The following BTBD9 variants were observed in gnomAD, a reference collection of about 807,000 sequenced individuals.
The protein encoded by BTBD9 is BTB domain containing 9, also known as BTB/POZ domain-containing protein 9.
BTBD9 carries 49 observed loss-of-function variants against 64.3 expected under a neutral mutation model. That is an observed-to-expected ratio of 0.76 (90% CI 0.61 to 0.97). The LOEUF (loss-of-function observed/expected upper bound fraction) is 0.97. Ranked by LOEUF, BTBD9 falls within the 50% of genes least tolerant of loss-of-function variation. BTBD9 has a pLI of 0.00. For missense variants in BTBD9, 598 were observed against 762.1 expected (o/e 0.78, Z 2.53); for synonymous variants, 260 against 274.7 (o/e 0.95, Z 0.53).
At chr6:38,250,990 G>A (rs1264456984) in intron 9 of BTBD9, among the ~76,000 whole-genome samples, 1 of 151,480 alleles carries the variant, frequency 6.6e-6, no homozygotes, top group Non-Finnish European at 1.5e-5. Flanking sequence ...GCTGAGGCAG[G>A]AGAATCACTT....
At chr6:38,399,847 G>A (rs1479261382) in intron 6 of BTBD9, among the ~76,000 whole-genome samples, 2 of 151,986 alleles carry the variant, frequency 1.3e-5, no homozygotes, top group Non-Finnish European at 2.9e-5. Flanking sequence ...CGCCTCCCGG[G>A]TTCAAGCGAT....
intron 7 of BTBD9, among the ~76,000 whole-genome samples, chr6:38,339,256 G>T (rs993469059): frequency 6.6e-6 from 1 of 152,140 alleles, no homozygotes; most frequent in Non-Finnish European, 1.5e-5. Flanking sequence ...TTAAATAAAC[G>T]ATGGTATATC....
rs539092551 is a variant in BTBD9 at position 38,531,901 on chromosome 6, C to T, written c.1154+45699G>A. On this transcript the variant is annotated intron_variant, in intron 6 of 10. Transcript: ENST00000481247. The stretch of plus-strand genomic sequence containing the variant: ...CAAGATGGCTGAATAAAAGGCTCCA[C>T]TGATTACCCCCACTCCTGCTCCCAC... Among the ~76,000 whole-genome samples the T allele has an allele frequency of 1.3e-3, 203 of 152,310 alleles. 2 individuals are homozygous for T. Among genetic ancestry groups the T allele is most frequent in the Admixed American group, 3.8e-3 (58 of 15,298 alleles).
chr6:38,457,657 G>A (rs1319485463), intron 6 of BTBD9, among the ~76,000 whole-genome samples: 1 of 152,064 alleles, frequency 6.6e-6, no homozygotes, highest in Non-Finnish European at 1.5e-5. Flanking sequence ...GAGATTTTAA[G>A]ACAATGGCTA....
In BTBD9 at chr6:38,346,828, A is replaced by G. The variant is rs560193197; in HGVS notation, c.1155-1735T>C. Among the ~76,000 whole-genome samples the G allele has an allele frequency of 1.4e-3, 209 of 152,294 alleles. 2 individuals are homozygous for G. The highest frequency in any genetic ancestry group is 3.9e-3 in the African/African-American group (163 of 41,558). ...CCAGCATAGCATTTTTCAACTACATATGGCTGTGTCAGCCTGAGTGCTGCT... is the reference window on the plus strand; with the variant it reads ...CCAGCATAGCATTTTTCAACTACATGTGGCTGTGTCAGCCTGAGTGCTGCT... On this transcript the variant is annotated intron_variant, in intron 6 of 10. Transcript: ENST00000481247.
intron 8 of BTBD9, among the ~76,000 whole-genome samples, chr6:38,266,820 G>C (rs1765023297): frequency 6.6e-6 from 1 of 152,186 alleles, no homozygotes; most frequent in South Asian, 2.1e-4. Flanking sequence ...TAAGCAAAAT[G>C]TTGGCATCAA....
rs770189032 is a variant in BTBD9 at position 38,310,192 on chromosome 6, T to A, written c.1265-21731A>T. On this transcript the variant is annotated intron_variant, in intron 7 of 10. Coordinates refer to ENST00000481247, the MANE Select transcript of BTBD9 (RefSeq NM_001099272.2). ...TACTGCATTCAGTATTGAGACTCCTTAATCAAACCACAAAGGGTGCCTGAG... is the reference window on the plus strand; with the variant it reads ...TACTGCATTCAGTATTGAGACTCCTAAATCAAACCACAAAGGGTGCCTGAG... 2.6e-5 allele frequency among the ~76,000 whole-genome samples: 4 copies of A among 152,164 alleles called. No individual in the cohort carries two copies. In the East Asian group the frequency reaches 7.7e-4, roughly 29 times the overall value.
chr6:38,206,093 T>C (rs1013512198), intron 9 of BTBD9, among the ~76,000 whole-genome samples: 4 of 151,868 alleles, frequency 2.6e-5, no homozygotes, highest in Non-Finnish European at 4.4e-5. Flanking sequence ...GAGAAACTAA[T>C]TGACCAGATG....
chr6:38,455,119 C>CATTTTAAGTGT (rs1340851480), intron 6 of BTBD9, among the ~76,000 whole-genome samples: 1 of 152,080 alleles, frequency 6.6e-6, no homozygotes, highest in Non-Finnish European at 1.5e-5. Context: ...TTTTTGCTTT[C>CATTTTAAGTGT]ATTTTAAGTG....
At chr6:38,480,603 G>C (rs185713980) in intron 6 of BTBD9, among the ~76,000 whole-genome samples, 1 of 152,100 alleles carries the variant, frequency 6.6e-6, no homozygotes, top group Non-Finnish European at 1.5e-5. Context: ...TAGTATATAA[G>C]TAAAAAGCTC....
At chr6:38,571,802 T>C (rs1013280972) in intron 6 of BTBD9, 1 of 151,996 alleles carries the variant, frequency 6.6e-6, no homozygotes, top group Non-Finnish European at 1.5e-5. Context: ...CTACTAAAAA[T>C]AGAAAAAACT....
intron 6 of BTBD9, among the ~76,000 whole-genome samples, chr6:38,400,190 T>C (rs1338558342): frequency 3.3e-5 from 5 of 152,146 alleles, no homozygotes; most frequent in Non-Finnish European, 5.9e-5. Context: ...ACCTGTCCCA[T>C]CAGCTATTTC....
chr6:38,525,662 G>C (rs1269996983), intron 6 of BTBD9, among the ~76,000 whole-genome samples: 1 of 152,184 alleles, frequency 6.6e-6, no homozygotes, highest in Non-Finnish European at 1.5e-5. Flanking sequence ...ATGGAGATGA[G>C]GAACTTACTG....
chr6:38,324,692 C>A (rs1289069446), intron 7 of BTBD9, among the ~76,000 whole-genome samples: 1 of 152,172 alleles, frequency 6.6e-6, no homozygotes, highest in East Asian at 1.9e-4. Context: ...GAAAAGGGCT[C>A]TTTTGTACTC....
intron 3 of BTBD9, among the ~76,000 whole-genome samples, chr6:38,593,755 C>G (rs930130665): frequency 3.7e-4 from 56 of 152,152 alleles, no homozygotes; most frequent in Admixed American, 2.7e-3. Flanking sequence ...ACCTGAAGAA[C>G]CTTAAAAGAA....
chr6:38,283,319 C>T (rs1226763888), intron 8 of BTBD9, among the ~76,000 whole-genome samples: 1 of 152,206 alleles, frequency 6.6e-6, no homozygotes, highest in African/African-American at 2.4e-5. Context: ...GCAATTATGT[C>T]CTTCACTTAG....
At chr6:38,283,386 A>G (rs1390650148) in intron 8 of BTBD9, among the ~76,000 whole-genome samples, 4 of 152,176 alleles carry the variant, frequency 2.6e-5, no homozygotes, top group Non-Finnish European at 5.9e-5. Flanking sequence ...AGGGGCTCAC[A>G]CCTGTAATCC....
At chr6:38,334,947 C>G (rs140862226) in intron 7 of BTBD9, among the ~76,000 whole-genome samples, 1,944 of 152,194 alleles carry the variant, frequency 0.013, 19 homozygotes, top group Middle Eastern at 0.027. Flanking sequence ...TTGTAATCCC[C>G]ACGTGTTGAG....
chr6:38,320,827 T>A (rs925611714), intron 7 of BTBD9, among the ~76,000 whole-genome samples: 2 of 152,160 alleles, frequency 1.3e-5, no homozygotes, highest in African/African-American at 2.4e-5. Context: ...CAGCATTTCA[T>A]AAATCTGGGT....
Sources: allele counts gnomAD v4.1 joint callset (sites outside exome capture counted in the v4.1 genomes callset), GRCh38; gene constraint gnomAD v4.1.1; transcripts MANE v1.5; gene names NCBI Gene and HGNC (gene_info 2026-07-23, HGNC 2026-07-21).